The following SLC35F3 variants were observed in gnomAD, a reference collection of about 807,000 sequenced individuals.
SLC35F3 encodes putative thiamine transporter SLC35F3.
A neutral mutation model predicts 49.9 loss-of-function variants in SLC35F3; 25 were observed. The observed-to-expected ratio is 0.50, with a 90% CI of 0.37 to 0.70. The LOEUF (loss-of-function observed/expected upper bound fraction) is 0.70. SLC35F3 is among the 30% of genes least tolerant of loss of function. The pLI is 0.00. For synonymous variants in SLC35F3, 275 were observed against 265.4 expected (o/e 1.04, Z -0.35); for missense variants, 525 against 639.8 (o/e 0.82, Z 1.94).
At chr1:234,037,857 G>C (rs558029039) in intron 2 of SLC35F3, among the ~76,000 whole-genome samples, 127 of 152,326 alleles carry the variant, frequency 8.3e-4, no homozygotes, top group African/African-American at 2.7e-3. Context: ...CCTTTGCCTG[G>C]TAAGAGTAGT....
intron 2 of SLC35F3, among the ~76,000 whole-genome samples, chr1:234,083,455 T>G (rs1201320066): frequency 2.6e-5 from 4 of 152,234 alleles, no homozygotes; most frequent in African/African-American, 9.6e-5. Flanking sequence ...TGCTTTCTGT[T>G]GAGTTGTTCC....
At chr1:234,304,033 C>T (rs941597934) in intron 3 of SLC35F3, among the ~76,000 whole-genome samples, 1 of 71,962 alleles carries the variant, frequency 1.4e-5, no homozygotes, top group African/African-American at 4.6e-5. Context: ...TTCCTTCCTT[C>T]CTTCCTTCCT....
At chr1:233,956,953 C>T (rs980857371) in intron 2 of SLC35F3, among the ~76,000 whole-genome samples, 5 of 152,174 alleles carry the variant, frequency 3.3e-5, no homozygotes, top group African/African-American at 4.8e-5. Context: ...AATGGCAAGC[C>T]GTGACCATGC....
intron 2 of SLC35F3, among the ~76,000 whole-genome samples, chr1:234,113,602 G>A (rs904601682): frequency 3.3e-5 from 5 of 152,136 alleles, no homozygotes; most frequent in East Asian, 3.9e-4. Context: ...GGTGGCTCAC[G>A]CCTGTAATCC....
At chr1:234,117,958 GTGTGTGTA>G (rs1308498599) in intron 2 of SLC35F3, among the ~76,000 whole-genome samples, 26 of 41,730 alleles carry the variant, frequency 6.2e-4, no homozygotes, top group Non-Finnish European at 9.2e-4. Flanking sequence ...GTGTGTGTGT[GTGTGTGTA>G]TATATATATA....
chr1:233,975,423 C>A (rs976784032), intron 2 of SLC35F3, among the ~76,000 whole-genome samples: 1 of 152,236 alleles, frequency 6.6e-6, no homozygotes, highest in African/African-American at 2.4e-5. Flanking sequence ...TGCGGAATAC[C>A]TTTCTCCAAG....
At chr1:234,256,326 C>T (rs183834816) in intron 3 of SLC35F3, among the ~76,000 whole-genome samples, 6 of 152,174 alleles carry the variant, frequency 3.9e-5, no homozygotes, top group Admixed American at 3.9e-4. Flanking sequence ...AAATTCGAAG[C>T]TCCCCTGAAT....
intron 2 of SLC35F3, among the ~76,000 whole-genome samples, chr1:234,079,372 A>G (rs1362161681): frequency 6.6e-6 from 1 of 152,240 alleles, no homozygotes; most frequent in Non-Finnish European, 1.5e-5. Context: ...GTAAATATTC[A>G]TGATTTTAGA....
In SLC35F3 at chr1:234,214,701, G is replaced by T; in HGVS notation, c.284-16716G>T. 4.0e-6 allele frequency: 5 copies of T among 1,248,838 alleles called. No individual in the cohort carries two copies. The highest frequency in any genetic ancestry group is 4.2e-6 in the Non-Finnish European group (4 of 951,608). 77.4% of individuals were successfully genotyped at this position (1,248,838 alleles called of 1,614,324 possible). A position where few individuals can be genotyped will look rare whatever the true frequency, so the allele number is the denominator to read the frequency against. On this transcript the variant is annotated intron_variant, in intron 2 of 7. Coordinates refer to ENST00000366618, the MANE Select transcript of SLC35F3 (RefSeq NM_173508.4). The surrounding 1 kb of genome is among the most constrained non-coding windows in gnomAD (Gnocchi z 8.0). ...TACTGCTCCCCCAGGACGCGGCTCC[G>T]CAGTGCAGAGCGCCGCCGCCTGCGT...
intron 2 of SLC35F3, among the ~76,000 whole-genome samples, chr1:234,099,922 A>T (rs1665189610): frequency 6.6e-6 from 1 of 152,238 alleles, no homozygotes; most frequent in Admixed American, 6.5e-5. Flanking sequence ...GCATTGTATA[A>T]TTCTGTTAAC....
intron 2 of SLC35F3, among the ~76,000 whole-genome samples, chr1:234,217,017 C>A (rs1037237142): frequency 2.6e-5 from 4 of 152,102 alleles, no homozygotes; most frequent in Non-Finnish European, 5.9e-5. Flanking sequence ...TTTTTGGAAA[C>A]CATTTGCATC....
At chr1:234,281,896 C>T (rs1000210870) in intron 3 of SLC35F3, among the ~76,000 whole-genome samples, 15 of 152,172 alleles carry the variant, frequency 9.9e-5, no homozygotes, top group Non-Finnish European at 2.1e-4. Context: ...TGTTCTTCAT[C>T]ATGTCAAATC....
At chr1:234,048,594 G>C (rs2046985047) in intron 2 of SLC35F3, among the ~76,000 whole-genome samples, 1 of 143,328 alleles carries the variant, frequency 7.0e-6, no homozygotes, top group South Asian at 2.3e-4. Context: ...CATTTTCAAA[G>C]GCTAGGGCCA....
At chr1:234,275,763 A>AAAT (rs1553260465) in intron 3 of SLC35F3, among the ~76,000 whole-genome samples, 16,685 of 135,104 alleles carry the variant, frequency 0.12, 1,244 homozygotes, top group Non-Finnish European at 0.18. Context: ...AAAAAAAAAA[A>AAAT]ATATATATAT....
intron 3 of SLC35F3, among the ~76,000 whole-genome samples, chr1:234,256,395 T>C (rs1310449085): frequency 1.3e-5 from 2 of 152,118 alleles, no homozygotes; most frequent in Admixed American, 1.3e-4. Flanking sequence ...AAGCTGAATT[T>C]TCAGCTATGA....
At chr1:234,303,849 C>T (rs570161) in intron 3 of SLC35F3, among the ~76,000 whole-genome samples, 93,155 of 151,876 alleles carry the variant, frequency 0.61, 28,711 homozygotes, top group Middle Eastern at 0.8. Flanking sequence ...TACTTGGTGG[C>T]CCCTTACATT....
At position 234,214,386 on chromosome 1, in the gene SLC35F3, T is replaced by G; in HGVS notation, c.284-17031T>G. ...GGGACTGAGAGGGGCGAGCCGCTGG[T>G]GCTCCCCGGCGGCAGAGGGCCGCGT... On this transcript the variant is annotated intron_variant, in intron 2 of 7. Coordinates refer to ENST00000366618, the MANE Select transcript of SLC35F3 (RefSeq NM_173508.4). This position sits in a 1 kb window ranked among gnomAD's most constrained non-coding sequence, Gnocchi z 8.0. 1 of 1,364,122 alleles carries G rather than the reference T, an allele frequency of 7.3e-7. No homozygotes were observed. The highest frequency in any genetic ancestry group is 9.5e-7 in the Non-Finnish European group (1 of 1,057,840). The allele number at this position is 1,364,122 out of a possible 1,614,324, so 84.5% of individuals were successfully genotyped here.
At chr1:234,138,624 G>A (rs952731943) in intron 2 of SLC35F3, among the ~76,000 whole-genome samples, 2 of 152,092 alleles carry the variant, frequency 1.3e-5, no homozygotes, top group South Asian at 2.1e-4. Flanking sequence ...CATAGCTCAC[G>A]GCAGCCTTGA....
At chr1:234,108,861 A>G (rs887998248) in intron 2 of SLC35F3, among the ~76,000 whole-genome samples, 6 of 148,740 alleles carry the variant, frequency 4.0e-5, no homozygotes, top group Non-Finnish European at 3.0e-5. Context: ...TTTCTCTCAT[A>G]GCCCAGGTAT....
Sources: allele counts gnomAD v4.1 joint callset (sites outside exome capture counted in the v4.1 genomes callset), GRCh38; gene constraint gnomAD v4.1.1; non-coding constraint Gnocchi (gnomAD v3.1); transcripts MANE v1.5; gene names NCBI Gene and HGNC (gene_info 2026-07-23, HGNC 2026-07-21).